GSS: variants seen among roughly 807,000 people sequenced by gnomAD.
The protein encoded by GSS is glutathione synthetase.
GSS carries 34 observed loss-of-function variants against 60.4 expected under a neutral mutation model. The observed-to-expected ratio is 0.56, with a 90% CI of 0.43 to 0.75. GSS has a LOEUF of 0.75. GSS is among the 30% of genes least tolerant of loss of function. The probability of loss-of-function intolerance (pLI) is 0.00; values close to 1 mark genes in which losing one functional copy is unlikely to be tolerated. For synonymous variants in GSS, 224 were observed against 239.0 expected, an observed-to-expected ratio of 0.94 and a Z score of 0.58; for missense variants, 499 against 595.1, an observed-to-expected ratio of 0.84 and a Z score of 1.68.
chr20:34,954,638 G>GC (rs1185621317), intron 1 of GSS: 2 of 153,410 alleles, frequency 1.3e-5, no homozygotes, highest in African/African-American at 4.8e-5. Context: ...TCATTCTACA[G>GC]CCTCAACCCT....
At chr20:34,932,764 T>C (rs144991978) in intron 9 of GSS, among the ~76,000 whole-genome samples, 34 of 152,288 alleles carry the variant, frequency 2.2e-4, no homozygotes, top group African/African-American at 7.5e-4. Flanking sequence ...TACCTGAGAC[T>C]AAAACACACA....
chr20:34,936,571 G>A (rs1375140263), intron 8 of GSS, among the ~76,000 whole-genome samples, 192 bp downstream of exon 8: 3 of 152,224 alleles, frequency 2.0e-5, no homozygotes, highest in African/African-American at 4.8e-5. Flanking sequence ...GATCCAGAAT[G>A]TCAACAGCTC....
intron 6 of GSS, among the ~76,000 whole-genome samples, chr20:34,939,100 C>T (rs760562527): frequency 5.9e-5 from 9 of 152,076 alleles, no homozygotes; most frequent in Admixed American, 2.0e-4. Context: ...ATTAGCCAGG[C>T]GTGGTGGTGG....
intron 1 of GSS, chr20:34,954,851 A>G (rs1481891188): frequency 1.3e-5 from 2 of 153,690 alleles, no homozygotes; most frequent in African/African-American, 2.4e-5. Flanking sequence ...CTTGTTTCCT[A>G]CATCTCACTC....
At chr20:34,946,536 C>T (rs1020613639) in intron 2 of GSS, 1 of 155,224 alleles carries the variant, frequency 6.4e-6, no homozygotes. Context: ...TGAACCAGAA[C>T]AGTTAACAGA....
At chr20:34,930,644 C>T (rs1280320246) in intron 11 of GSS, among the ~76,000 whole-genome samples, 2 of 152,218 alleles carry the variant, frequency 1.3e-5, no homozygotes, top group Non-Finnish European at 2.9e-5. Flanking sequence ...TTTGCAAGTT[C>T]CCACCACTGC....
intron 3 of GSS, 64 bp from the exon 4 acceptor site, chr20:34,943,070 T>C: frequency 6.6e-6 from 7 of 1,053,162 alleles, no homozygotes; most frequent in Non-Finnish European, 1.0e-5. Flanking sequence ...AGGAGTCCCA[T>C]CCTCAGTCAT....
intron 11 of GSS, among the ~76,000 whole-genome samples, chr20:34,930,181 G>A (rs1332979154): frequency 2.0e-5 from 3 of 151,292 alleles, no homozygotes; most frequent in Admixed American, 1.3e-4. Flanking sequence ...CAGGAGAATC[G>A]CTTGAACCTG....
At chr20:34,937,461 C>T (rs1044632328) in intron 6 of GSS, among the ~76,000 whole-genome samples, 1 of 151,992 alleles carries the variant, frequency 6.6e-6, no homozygotes, top group African/African-American at 2.4e-5. Flanking sequence ...GCAGGGGGTC[C>T]GGGGCTAATG....
At chr20:34,949,205 C>A (rs961670842) in intron 2 of GSS, among the ~76,000 whole-genome samples, 3 of 152,048 alleles carry the variant, frequency 2.0e-5, no homozygotes, top group African/African-American at 7.3e-5. Context: ...TGTATTTGAA[C>A]GTATTACTTA....
At chr20:34,952,848 A>C (rs1362291634) in intron 1 of GSS, 1 of 152,224 alleles carries the variant, frequency 6.6e-6, no homozygotes, top group African/African-American at 2.4e-5. Flanking sequence ...TTACATGGGA[A>C]GGGGGAGGGA....
chr20:34,950,508 T>C (rs2081560518), intron 2 of GSS, among the ~76,000 whole-genome samples: 1 of 151,556 alleles, frequency 6.6e-6, no homozygotes, highest in African/African-American at 2.4e-5. Context: ...TTCACACCTG[T>C]AATCCCAGCA....
intron 4 of GSS, 32 bp from the exon 5 acceptor site, chr20:34,942,659 G>C (rs777832882): frequency 1.2e-6 from 2 of 1,611,478 alleles, no homozygotes; most frequent in East Asian, 2.2e-5. Flanking sequence ...GACAGTACCT[G>C]CCCAGGGACT....
intron 5 of GSS, 110 bp downstream of exon 5, chr20:34,942,377 CG>C: frequency 9.7e-7 from 1 of 1,031,578 alleles, no homozygotes; most frequent in Non-Finnish European, 1.5e-6. Context: ...ACATGTGACC[CG>C]GGGCCCAGGA....
Position 34,932,148 on chromosome 20 carries a change from A to C in GSS, c.835-15T>G. Reference sequence around the variant, plus strand: ...GCTTCCCAATTCTGCAGAGGGAAGAAGACAAAAGGAATTCGACTTTATTTT... The same window carrying C: ...GCTTCCCAATTCTGCAGAGGGAAGACGACAAAAGGAATTCGACTTTATTTT... On this transcript the variant is annotated splice_polypyrimidine_tract_variant and intron_variant, in intron 9 of 12. Coordinates refer to ENST00000651619, the MANE Select transcript of GSS (RefSeq NM_000178.4). 1 of 1,605,016 alleles carries C rather than the reference A, an allele frequency of 6.2e-7. No individual in the cohort carries two copies. The highest frequency in any genetic ancestry group is 8.5e-7 in the Non-Finnish European group (1 of 1,171,558).
intron 11 of GSS, among the ~76,000 whole-genome samples, chr20:34,930,573 T>C (rs987246540): frequency 1.3e-5 from 2 of 152,206 alleles, no homozygotes; most frequent in Non-Finnish European, 2.9e-5. Flanking sequence ...TTCCACGGTC[T>C]TTCTGCTTCC....
intron 2 of GSS, chr20:34,949,582 G>A (rs1455642260): frequency 1.3e-5 from 2 of 151,908 alleles, no homozygotes; most frequent in African/African-American, 2.4e-5. Flanking sequence ...TAGTATCTTG[G>A]GAGAGGAAAA....
chr20:34,933,384 G>T (rs1197706785), intron 9 of GSS, among the ~76,000 whole-genome samples: 2 of 152,182 alleles, frequency 1.3e-5, no homozygotes, highest in Non-Finnish European at 2.9e-5. Context: ...GGATACTCAG[G>T]CTAAGAGAAT....
At chr20:34,933,459 G>A (rs939423088) in intron 9 of GSS, 3 of 153,678 alleles carry the variant, frequency 2.0e-5, no homozygotes, top group African/African-American at 7.2e-5. Context: ...AAGAGCTGAG[G>A]GTATAAAAGG....
Sources: gnomAD v4.1 joint callset for allele counts (sites outside exome capture counted in the v4.1 genomes callset) on GRCh38, gnomAD v4.1.1 for gene constraint, MANE v1.5 for transcripts, NCBI Gene and HGNC (gene_info 2026-07-23, HGNC 2026-07-21) for gene names.